Variants in TXLNG observed in about 807,000 individuals in gnomAD.
The protein encoded by TXLNG is gamma-taxilin.
A neutral mutation model predicts 38.8 loss-of-function variants in TXLNG; 5 were observed. That is an observed-to-expected ratio of 0.13 (90% confidence interval 0.07 to 0.27). TXLNG has a LOEUF of 0.27. Ranked by LOEUF, TXLNG falls within the 10% of genes least tolerant of loss-of-function variation. TXLNG has a pLI of 1.00. For missense variants in TXLNG, 393 were observed against 398.2 expected (o/e 0.99, Z 0.11); for synonymous variants, 182 against 158.2 (o/e 1.15, Z -1.13).
intron 1 of TXLNG, among the ~76,000 whole-genome samples, chrX:16,809,405 G>A (rs1449482337): frequency 1.9e-5 from 2 of 102,987 alleles, no homozygotes; most frequent in Non-Finnish European, 4.0e-5. Context: ...GTGCAGTGGC[G>A]TGATCTCGGC....
intron 1 of TXLNG, 62 bp downstream of exon 1, chrX:16,786,651 A>G: frequency 1.3e-6 from 1 of 792,197 alleles, no homozygotes; most frequent in Non-Finnish European, 1.6e-6. Context: ...TCCCTTTTTC[A>G]GGGTCCACCT....
intron 1 of TXLNG, among the ~76,000 whole-genome samples, chrX:16,801,804 G>A (rs1187415251): frequency 9.0e-6 from 1 of 110,607 alleles, no homozygotes. Flanking sequence ...CTTAATGTTA[G>A]TGTTGCCTGT....
intron 3 of TXLNG, among the ~76,000 whole-genome samples, chrX:16,824,769 A>T (rs973903341): frequency 1.5e-4 from 16 of 109,296 alleles, no homozygotes; most frequent in Non-Finnish European, 2.1e-4. Flanking sequence ...AAATAAAAAA[A>T]AAAAAATTAG....
chrX:16,815,611 T>C (rs1928710332), intron 1 of TXLNG, among the ~76,000 whole-genome samples: 1 of 110,715 alleles, frequency 9.0e-6, no homozygotes, highest in Non-Finnish European at 1.9e-5. Context: ...AACCTCCGCT[T>C]CCCGGGTTCA....
chrX:16,812,327 A>C (rs1214932763), intron 1 of TXLNG, among the ~76,000 whole-genome samples: 1 of 108,426 alleles, frequency 9.2e-6, no homozygotes, highest in Non-Finnish European at 1.9e-5. Flanking sequence ...GTATACTTTT[A>C]ATCTGAAAAC....
intron 1 of TXLNG, among the ~76,000 whole-genome samples, chrX:16,795,970 G>A (rs183807420): frequency 2.8e-5 from 3 of 108,970 alleles, no homozygotes; most frequent in Non-Finnish European, 5.7e-5. Flanking sequence ...GCGCCACCGT[G>A]CCCGGCTAAT....
chrX:16,789,856 A>G (rs1236213625), intron 1 of TXLNG, among the ~76,000 whole-genome samples: 1 of 108,702 alleles, frequency 9.2e-6, no homozygotes, highest in African/African-American at 3.4e-5. Flanking sequence ...GTGCAATGGC[A>G]TGATCTTGGC....
intron 9 of TXLNG, 50 bp from the exon 10 acceptor site, chrX:16,841,378 A>G: frequency 9.0e-7 from 1 of 1,109,348 alleles, no homozygotes; most frequent in Non-Finnish European, 1.2e-6. Flanking sequence ...ATTTTTTTGT[A>G]ACCTGATTGA....
rs960782366 is a variant in TXLNG at position 16,832,541 on chromosome X, G to A, written c.865-82G>A. 6 of 1,144,231 alleles carry A rather than the reference G, an allele frequency of 5.2e-6. No homozygotes were observed. In the African/African-American group the frequency reaches 8.9e-5, roughly 17 times the overall value. The allele number at this position is 1,144,231 out of a possible 1,213,427, so 94.3% of individuals were successfully genotyped here. A position where few individuals can be genotyped will look rare whatever the true frequency, so the allele number is the denominator to read the frequency against. ...GTAGCAGAACAGCAGGGTGAGCAGG[G>A]TGCTGTAACTGCTGTGATGTTTCCT... On this transcript the variant is annotated intron_variant, in intron 5 of 9. Coordinates refer to ENST00000380122, the MANE Select transcript of TXLNG (RefSeq NM_018360.3).
intron 8 of TXLNG, among the ~76,000 whole-genome samples, chrX:16,838,728 G>A (rs1055803090): frequency 8.9e-6 from 1 of 111,901 alleles, no homozygotes; most frequent in African/African-American, 3.2e-5. Context: ...AGGGGGCGCT[G>A]TTAGGCACAG....
At chrX:16,803,592 C>T (rs1410725797) in intron 1 of TXLNG, among the ~76,000 whole-genome samples, 1 of 103,925 alleles carries the variant, frequency 9.6e-6, no homozygotes, top group Non-Finnish European at 2.0e-5. Flanking sequence ...ATCCACCCGC[C>T]TCGGCCTCCC....
Position 16,837,603 on chromosome X carries a change from A to T in TXLNG, c.1070A>T (p.Tyr357Phe), listed in dbSNP as rs1449040402. 16 of 1,201,568 alleles carry T rather than the reference A, an allele frequency of 1.3e-5. No homozygotes were observed. Among genetic ancestry groups the T allele is most frequent in the Non-Finnish European group, 1.6e-5 (14 of 889,612 alleles). The stretch of plus-strand genomic sequence containing the variant: ...CTTTTTTTCCTATAGCTTTCTCTTT[A>T]TATGGATAAGTTTGAAGAATTCCAG... ...EVQLKQQLSL[Y>F]MDKFEEFQTT... Residue 357 changes from tyrosine (Y) to phenylalanine (F), a missense_variant, in exon 8 of 10, where the codon TAT becomes TTT. By Grantham distance (22) the Tyr-to-Phe change is conservative. Coordinates refer to ENST00000380122, the MANE Select transcript of TXLNG (RefSeq NM_018360.3).
At chrX:16,797,539 CTG>C (rs1229759860) in intron 1 of TXLNG, among the ~76,000 whole-genome samples, 8 of 112,320 alleles carry the variant, frequency 7.1e-5, no homozygotes, top group Non-Finnish European at 1.1e-4. Flanking sequence ...GGCTGTTGGA[CTG>C]AGGCCTCAGT....
At chrX:16,789,866 C>A (rs1416783568) in intron 1 of TXLNG, among the ~76,000 whole-genome samples, 2 of 109,178 alleles carry the variant, frequency 1.8e-5, no homozygotes, top group African/African-American at 6.7e-5. Flanking sequence ...ATGATCTTGG[C>A]TCACCACAAC....
chrX:16,797,699 C>T (rs1187819926), intron 1 of TXLNG, among the ~76,000 whole-genome samples: 11 of 112,282 alleles, frequency 9.8e-5, no homozygotes, highest in Non-Finnish European at 1.5e-4. Context: ...TCTTTTGTAT[C>T]GTAATCATAG....
intron 1 of TXLNG, among the ~76,000 whole-genome samples, chrX:16,800,136 T>G (rs778248379): frequency 5.4e-5 from 6 of 111,676 alleles, no homozygotes. Context: ...GACGGAATTT[T>G]GTCATGTTGG....
rs1366420466 is a variant in TXLNG at position 16,842,817 on chromosome X, C to G, written c.*1051C>G. ...ACAAACACTGGCACCAACATTTTTA[C>G]TTTGGGAAGACTTGGCAGAGTGTTA... On this transcript the variant is annotated 3_prime_UTR_variant, in exon 10 of 10. Coordinates refer to ENST00000380122, the MANE Select transcript of TXLNG (RefSeq NM_018360.3). 1 of 112,020 alleles carries G rather than the reference C, an allele frequency of 8.9e-6. No individual in the cohort carries two copies. The highest frequency in any genetic ancestry group is 1.9e-5 in the Non-Finnish European group (1 of 53,252). The allele number at this position is 112,020 out of a possible 1,213,427, so 9.2% of individuals were successfully genotyped here.
intron 1 of TXLNG, among the ~76,000 whole-genome samples, chrX:16,794,693 G>A (rs1245909432): frequency 9.0e-6 from 1 of 111,317 alleles, no homozygotes; most frequent in African/African-American, 3.3e-5. Flanking sequence ...ATTGGGACAG[G>A]GATGTTCACT....
chrX:16,810,679 T>C (rs1042580391), intron 1 of TXLNG, among the ~76,000 whole-genome samples: 2 of 112,118 alleles, frequency 1.8e-5, no homozygotes, highest in Non-Finnish European at 3.8e-5. Context: ...AAAATAAAAA[T>C]AGTGGTATTT....
Sources: allele counts gnomAD v4.1 joint callset (sites outside exome capture counted in the v4.1 genomes callset), GRCh38; gene constraint gnomAD v4.1.1; transcripts MANE v1.5; gene names NCBI Gene and HGNC (gene_info 2026-07-23, HGNC 2026-07-21).